VPS13D: variants seen among roughly 807,000 people sequenced by gnomAD.
VPS13D encodes the protein vacuolar protein sorting 13 homolog D.
VPS13D carries 187 observed loss-of-function variants against 461.9 expected under a neutral mutation model. That is an observed-to-expected ratio of 0.40 (90% CI 0.36 to 0.46). The LOEUF is 0.46. Among genes scored for constraint, VPS13D ranks in the 20% least tolerant of loss-of-function variants. VPS13D has a pLI of 0.60. For synonymous variants in VPS13D, 1,951 were observed against 1,986.3 expected (o/e 0.98, Z 0.47); for missense variants, 4,711 against 5,364.9 (o/e 0.88, Z 3.81).
chr1:12,354,748 T>G (rs1452687641), intron 47 of VPS13D, among the ~76,000 whole-genome samples: 1 of 152,210 alleles, frequency 6.6e-6, no homozygotes, highest in African/African-American at 2.4e-5. Context: ...AAGCACTCAC[T>G]CTATTCCAGG....
chr1:12,271,982 A>C (rs985516232), intron 17 of VPS13D, among the ~76,000 whole-genome samples: 1 of 151,806 alleles, frequency 6.6e-6, no homozygotes, highest in Non-Finnish European at 1.5e-5. Context: ...GTTTGAGCTC[A>C]GGAGTTCGAG....
chr1:12,237,399 G>T (rs1333607885), intron 2 of VPS13D, among the ~76,000 whole-genome samples: 1 of 151,384 alleles, frequency 6.6e-6, no homozygotes, highest in African/African-American at 2.4e-5. Context: ...AGGCTGAGGT[G>T]GGAGGATCAC....
At chr1:12,459,482 CTTTTTTTTT>C (rs869264869) in intron 66 of VPS13D, among the ~76,000 whole-genome samples, 1 of 131,358 alleles carries the variant, frequency 7.6e-6, no homozygotes, top group Non-Finnish European at 1.6e-5. Flanking sequence ...CTTTTCTTTT[CTTTTTTTTT>C]TTTTTTTTGA....
At chr1:12,429,974 G>A (rs1431678784) in intron 65 of VPS13D, among the ~76,000 whole-genome samples, 2 of 152,178 alleles carry the variant, frequency 1.3e-5, no homozygotes, top group African/African-American at 2.4e-5. Flanking sequence ...TTTCCTGCAA[G>A]CTGTTGAATT....
chr1:12,319,379 A>G, intron 31 of VPS13D, 118 bp from the exon 32 acceptor site: 2 of 1,432,230 alleles, frequency 1.4e-6, no homozygotes, highest in Non-Finnish European at 1.9e-6. Context: ...ATTTTGGAGA[A>G]AAATCTTACT....
chr1:12,432,307 C>T (rs190535346), intron 65 of VPS13D, among the ~76,000 whole-genome samples: 142 of 151,570 alleles, frequency 9.4e-4, no homozygotes, highest in Admixed American at 1.7e-3. Context: ...GCAGGAGAGT[C>T]GCTTGAACCT....
intron 63 of VPS13D, among the ~76,000 whole-genome samples, chr1:12,411,291 T>G (rs1644724109): frequency 1.3e-5 from 2 of 152,200 alleles, no homozygotes; most frequent in South Asian, 4.1e-4. Flanking sequence ...ACAGTTATAT[T>G]TCTACATGTC....
intron 6 of VPS13D, among the ~76,000 whole-genome samples, chr1:12,251,804 A>G (rs1467432778): frequency 6.6e-6 from 1 of 152,196 alleles, no homozygotes; most frequent in African/African-American, 2.4e-5. Context: ...ACACCTTAGC[A>G]TGGCATAAAC....
intron 50 of VPS13D, among the ~76,000 whole-genome samples, chr1:12,361,630 C>T (rs1326993755): frequency 6.6e-6 from 1 of 151,396 alleles, no homozygotes; most frequent in African/African-American, 2.4e-5. Flanking sequence ...CTCCTGACCT[C>T]GTGATCCGCC....
At chr1:12,322,260 G>T (rs1203643110) in intron 33 of VPS13D, among the ~76,000 whole-genome samples, 1 of 152,066 alleles carries the variant, frequency 6.6e-6, no homozygotes, top group Non-Finnish European at 1.5e-5. Flanking sequence ...TAGAGACAGG[G>T]TTTTACCGTG....
In VPS13D at chr1:12,432,172, T is replaced by C. The variant is rs923389850; in HGVS notation, c.12333+15345T>C. Among the ~76,000 whole-genome samples the C allele has an allele frequency of 2.6e-5, 4 of 152,100 alleles. No homozygotes were observed. In the East Asian group the frequency reaches 5.8e-4, roughly 22 times the overall value. ...ACTTTGGGAGGCTGAGGCGGGCGGATAACCTGAGGTCGGGAGTTCGAGATT... is the reference window on the plus strand; with the variant it reads ...ACTTTGGGAGGCTGAGGCGGGCGGACAACCTGAGGTCGGGAGTTCGAGATT... On this transcript the variant is annotated intron_variant, in intron 65 of 69. Coordinates refer to ENST00000620676, the MANE Select transcript of VPS13D (RefSeq NM_015378.4).
chr1:12,361,435 G>A (rs1164114188), intron 50 of VPS13D, among the ~76,000 whole-genome samples: 7 of 138,848 alleles, frequency 5.0e-5, no homozygotes, highest in South Asian at 2.2e-4. Context: ...TCGCTCTGTC[G>A]CCCAGGCTGG....
intron 40 of VPS13D, among the ~76,000 whole-genome samples, chr1:12,338,557 A>G (rs1557718737): frequency 6.6e-6 from 1 of 152,210 alleles, no homozygotes; most frequent in Non-Finnish European, 1.5e-5. Context: ...ATGATGCAGA[A>G]ATATGTTAAT....
intron 20 of VPS13D, among the ~76,000 whole-genome samples, chr1:12,281,385 C>G (rs997007187): frequency 6.6e-6 from 1 of 151,760 alleles, no homozygotes; most frequent in African/African-American, 2.4e-5. Flanking sequence ...TTTTTGTCCC[C>G]CCATGTCGTA....
At chr1:12,333,420 A>G (rs771951291) in intron 38 of VPS13D, 54 bp downstream of exon 38, 32 of 1,597,368 alleles carry the variant, frequency 2.0e-5, no homozygotes, top group Middle Eastern at 1.7e-4. Context: ...CTAAGTTCTG[A>G]GTCTGGAAGA....
rs114504373 is a variant in VPS13D at position 12,289,313 on chromosome 1, A to G, written c.5725+1000A>G. Among the ~76,000 whole-genome samples, 904 of 150,108 alleles carry G rather than the reference A, an allele frequency of 6.0e-3. 15 individuals carry two copies. Among genetic ancestry groups the G allele is most frequent in the African/African-American group, 0.021 (857 of 40,750 alleles). Reference sequence around the variant, plus strand: ...GGCCAGACTGGTTTCAAACTCCTGGACTCAAACCATCCATCCACTTTGGCC... The same window carrying G: ...GGCCAGACTGGTTTCAAACTCCTGGGCTCAAACCATCCATCCACTTTGGCC... On this transcript the variant is annotated intron_variant, in intron 22 of 69. Coordinates refer to ENST00000620676, the MANE Select transcript of VPS13D (RefSeq NM_015378.4).
chr1:12,487,135 G>C (rs1645807911), intron 67 of VPS13D, among the ~76,000 whole-genome samples: 1 of 152,168 alleles, frequency 6.6e-6, no homozygotes, highest in South Asian at 2.1e-4. Flanking sequence ...AAACCCATGA[G>C]TGTGGTGACT....
At chr1:12,500,691 A>G (rs1048609392) in intron 68 of VPS13D, among the ~76,000 whole-genome samples, 4 of 151,830 alleles carry the variant, frequency 2.6e-5, no homozygotes, top group South Asian at 2.1e-4. Flanking sequence ...AAAGTACCCT[A>G]TGCATCCACC....
chr1:12,494,205 GGGAAGATA>G (rs1328614740), intron 67 of VPS13D, among the ~76,000 whole-genome samples: 17 of 152,216 alleles, frequency 1.1e-4, no homozygotes, highest in African/African-American at 4.1e-4. Flanking sequence ...CCCTGGAAAT[GGGAAGATA>G]GTTTGTGGCC....
Sources: gnomAD v4.1 joint callset for allele counts (sites outside exome capture counted in the v4.1 genomes callset) on GRCh38, gnomAD v4.1.1 for gene constraint, MANE v1.5 for transcripts, NCBI Gene and HGNC (gene_info 2026-07-23, HGNC 2026-07-21) for gene names.